LRRC36: variants seen among roughly 807,000 people sequenced by gnomAD.
The protein encoded by LRRC36 is leucine rich repeat containing 36.
LRRC36 carries 62 observed loss-of-function variants against 81.1 expected under a neutral mutation model. The ratio of observed to expected loss-of-function variants is 0.76; its 90% confidence interval spans 0.62 to 0.94. The LOEUF (loss-of-function observed/expected upper bound fraction) is 0.94. LRRC36 is among the 40% of genes least tolerant of loss of function. The pLI, the probability that LRRC36 is intolerant of heterozygous loss-of-function variation, is 0.00. For synonymous variants in LRRC36, 334 were observed against 348.6 expected (o/e 0.96, Z 0.47); for missense variants, 761 against 881.7 (o/e 0.86, Z 1.73).
At chr16:67,345,088 A>G (rs1285507515) in intron 2 of LRRC36, among the ~76,000 whole-genome samples, 1 of 152,012 alleles carries the variant, frequency 6.6e-6, no homozygotes, top group Non-Finnish European at 1.5e-5. Context: ...AAGGCAGGAT[A>G]ATTGCTTGAG....
intron 1 of LRRC36, among the ~76,000 whole-genome samples, chr16:67,329,767 A>G (rs562196467): frequency 3.3e-5 from 5 of 152,062 alleles, no homozygotes; most frequent in African/African-American, 1.2e-4. Flanking sequence ...AAAATACAAA[A>G]ATTAGCTGGA....
intron 1 of LRRC36, among the ~76,000 whole-genome samples, chr16:67,330,243 T>C (rs2037419857): frequency 6.6e-6 from 1 of 152,130 alleles, no homozygotes; most frequent in Admixed American, 6.6e-5. Flanking sequence ...AAGTATATGG[T>C]GCCTAGTGTT....
intron 1 of LRRC36, among the ~76,000 whole-genome samples, chr16:67,328,153 T>C (rs953734604): frequency 6.6e-6 from 1 of 152,132 alleles, no homozygotes; most frequent in African/African-American, 2.4e-5. Flanking sequence ...GGGGGAAATA[T>C]GTAATATTTA....
chr16:67,352,461 C>G (rs1253987060), intron 5 of LRRC36, among the ~76,000 whole-genome samples: 5 of 152,084 alleles, frequency 3.3e-5, no homozygotes, highest in Non-Finnish European at 7.4e-5. Flanking sequence ...CCTCCACTGT[C>G]TTGGATCCTC....
rs777141076 is a variant in LRRC36 at position 67,384,856 on chromosome 16, C to G, written c.2046-14C>G. On this transcript the variant is annotated splice_polypyrimidine_tract_variant and intron_variant, in intron 13 of 13. Coordinates refer to ENST00000329956, the MANE Select transcript of LRRC36 (RefSeq NM_018296.6). ...TTTATGATTTCATGACTGCCTTTTT[C>G]CCTTGGGCCTCAGATCCCTGGTGGT... 22 of 1,605,940 alleles carry G rather than the reference C, an allele frequency of 1.4e-5. No homozygotes were observed. Among genetic ancestry groups the G allele is most frequent in the Non-Finnish European group, 1.9e-5 (22 of 1,173,762 alleles).
chr16:67,380,660 C>G (rs2142180819), intron 12 of LRRC36, among the ~76,000 whole-genome samples: 1 of 152,310 alleles, frequency 6.6e-6, no homozygotes, highest in South Asian at 2.1e-4. Context: ...ATCAAGATAT[C>G]AGTCTCCACT....
chr16:67,343,833 T>C (rs2038212422), intron 2 of LRRC36, among the ~76,000 whole-genome samples: 1 of 152,122 alleles, frequency 6.6e-6, no homozygotes, highest in Non-Finnish European at 1.5e-5. Flanking sequence ...TTTATTTTTT[T>C]TGAGACAGAG....
chr16:67,356,468 G>A (rs2038907141), intron 5 of LRRC36, among the ~76,000 whole-genome samples: 1 of 152,210 alleles, frequency 6.6e-6, no homozygotes. Context: ...AGTTCTAAGG[G>A]AGGAATAATG....
At position 67,327,950 on chromosome 16, in the gene LRRC36, T is replaced by C. The variant is rs192807668; in HGVS notation, c.70+1018T>C. Among the ~76,000 whole-genome samples the C allele has an allele frequency of 8.6e-5, 13 of 151,972 alleles. No homozygotes were observed. The East Asian group carries it at 9.7e-4, about 11-fold the overall frequency. On this transcript the variant is annotated intron_variant, in intron 1 of 13. Transcript: ENST00000329956. ...GAGGGTGGGGAGGAGGGAAACCAGA[T>C]TGGAGTGGGATGAAAAAGGGAAATG...
Position 67,376,709 on chromosome 16 carries a change from A to G in LRRC36, c.1661-18A>G. On this transcript the variant is annotated intron_variant, in intron 10 of 13. Transcript: ENST00000329956. ...GCTTTTAAGATTGGCCTGTGTGCCC[A>G]TCCTGAATTTTTGGCAGGTCCTGCC... The G allele has an allele frequency of 6.2e-7, 1 of 1,607,430 alleles. No individual in the cohort carries two copies.
chr16:67,378,241 T>G (rs1042265421), intron 11 of LRRC36, among the ~76,000 whole-genome samples: 6 of 142,584 alleles, frequency 4.2e-5, no homozygotes, highest in Non-Finnish European at 9.0e-5. Context: ...GATTCTTTTT[T>G]TTTTTTTTTT....
At chr16:67,331,422 G>A (rs2037486662) in intron 1 of LRRC36, among the ~76,000 whole-genome samples, 1 of 152,130 alleles carries the variant, frequency 6.6e-6, no homozygotes, top group Admixed American at 6.6e-5. Context: ...CTACTCAGGA[G>A]GCTGAAGTGG....
At chr16:67,366,556 C>A (rs1362513945) in intron 7 of LRRC36, among the ~76,000 whole-genome samples, 3 of 152,060 alleles carry the variant, frequency 2.0e-5, no homozygotes, top group African/African-American at 4.8e-5. Flanking sequence ...TGGAGACCAG[C>A]CTGGCCAACA....
intron 1 of LRRC36, among the ~76,000 whole-genome samples, chr16:67,334,095 G>C (rs1396272690): frequency 6.7e-6 from 1 of 149,996 alleles, no homozygotes; most frequent in Non-Finnish European, 1.5e-5. Context: ...CAGTGGCGTG[G>C]ATCTCGGCTC....
chr16:67,383,043 A>G (rs2040169828), intron 13 of LRRC36, among the ~76,000 whole-genome samples: 1 of 139,312 alleles, frequency 7.2e-6, no homozygotes, highest in Non-Finnish European at 1.5e-5. Flanking sequence ...ATTGCTCTCC[A>G]GCCTGTCAAC....
rs987222772 is a variant in LRRC36 at position 67,347,272 on chromosome 16, T to C, written c.392-223T>C. 4 of 605,538 alleles carry C rather than the reference T, an allele frequency of 6.6e-6. No individual in the cohort carries two copies. In the African/African-American group the frequency reaches 7.6e-5, roughly 12 times the overall value. The allele number at this position is 605,538 out of a possible 1,614,324, so 37.5% of individuals were successfully genotyped here. A position where few individuals can be genotyped will look rare whatever the true frequency, so the allele number is the denominator to read the frequency against. ...GTCCAAGCTCTGCTTTCCTGAAGGG[T>C]AGTTACAACTGTGAGGCAGTGGTCG... On this transcript the variant is annotated intron_variant, in intron 3 of 13. Coordinates refer to ENST00000329956, the MANE Select transcript of LRRC36 (RefSeq NM_018296.6).
At chr16:67,382,535 A>G (rs2040151732) in intron 13 of LRRC36, among the ~76,000 whole-genome samples, 1 of 152,130 alleles carries the variant, frequency 6.6e-6, no homozygotes, top group Admixed American at 6.5e-5. Flanking sequence ...CTTTTTTGGG[A>G]GGTCAGTACA....
intron 3 of LRRC36, 175 bp from the exon 4 acceptor site, chr16:67,347,320 T>C: frequency 7.8e-7 from 1 of 1,284,462 alleles, no homozygotes; most frequent in South Asian, 1.4e-5. Context: ...GCAGTCTCCC[T>C]GAGTTCCTGC....
chr16:67,354,469 G>T (rs1028820858), intron 5 of LRRC36, among the ~76,000 whole-genome samples: 1 of 152,000 alleles, frequency 6.6e-6, no homozygotes, highest in African/African-American at 2.4e-5. Flanking sequence ...GTAGAGATAG[G>T]GTTTTACCAT....
Sources: gnomAD v4.1 joint callset for allele counts (sites outside exome capture counted in the v4.1 genomes callset) on GRCh38, gnomAD v4.1.1 for gene constraint, MANE v1.5 for transcripts, NCBI Gene and HGNC (gene_info 2026-07-23, HGNC 2026-07-21) for gene names.